ARID1B: variants seen among roughly 807,000 people sequenced by gnomAD.
ARID1B encodes the protein AT-rich interactive domain-containing protein 1B.
A neutral mutation model predicts 212.3 loss-of-function variants in ARID1B; 30 were observed. The observed-to-expected ratio is 0.14, with a 90% CI of 0.11 to 0.19. The LOEUF (loss-of-function observed/expected upper bound fraction) is 0.19, where lower values mean the gene tolerates loss of function less well. Among genes scored for constraint, ARID1B ranks in the 10% least tolerant of loss-of-function variants. The pLI, the probability that ARID1B is intolerant of heterozygous loss-of-function variation, is 1.00. For missense variants in ARID1B, 2,891 were observed against 3,204.0 expected (o/e 0.90, Z 2.36); for synonymous variants, 1,402 against 1,301.7 (o/e 1.08, Z -1.66).
chr6:156,855,027 G>C (rs1050498203), intron 2 of ARID1B, among the ~76,000 whole-genome samples: 1 of 152,114 alleles, frequency 6.6e-6, no homozygotes, highest in Admixed American at 6.5e-5. Flanking sequence ...GGGCAGTTGG[G>C]GTTGGGATGG....
At chr6:156,912,865 A>G (rs932647374) in intron 3 of ARID1B, among the ~76,000 whole-genome samples, 1 of 151,882 alleles carries the variant, frequency 6.6e-6, no homozygotes, top group African/African-American at 2.4e-5. Context: ...CATTTCTCCC[A>G]CCCCAAACAA....
chr6:157,157,061 C>G (rs941121992), intron 8 of ARID1B, among the ~76,000 whole-genome samples: 3 of 152,126 alleles, frequency 2.0e-5, no homozygotes, highest in Non-Finnish European at 4.4e-5. Context: ...CTCCTCATCC[C>G]CTGAAATACT....
intron 1 of ARID1B, among the ~76,000 whole-genome samples, chr6:156,801,400 C>A (rs1178702563): frequency 6.6e-6 from 1 of 151,836 alleles, no homozygotes; most frequent in African/African-American, 2.4e-5. Context: ...GGGGTTTCAT[C>A]ATCTTGGCTG....
At chr6:156,916,987 TCTG>T (rs1790410177) in intron 3 of ARID1B, among the ~76,000 whole-genome samples, 2 of 152,342 alleles carry the variant, frequency 1.3e-5, no homozygotes, top group South Asian at 4.1e-4. Context: ...ACCGAGGTCT[TCTG>T]CTGGTCTGGA....
chr6:157,131,289 T>C (rs78505992), intron 6 of ARID1B, among the ~76,000 whole-genome samples: 4,334 of 152,166 alleles, frequency 0.028, 206 homozygotes, highest in African/African-American at 0.097. Flanking sequence ...AGCTAATGTT[T>C]TAGTGGGGAA....
chr6:156,860,118 T>C (rs1785225649), intron 2 of ARID1B, among the ~76,000 whole-genome samples: 1 of 152,224 alleles, frequency 6.6e-6, no homozygotes, highest in Admixed American at 6.5e-5. Flanking sequence ...GCACCTATAC[T>C]TATGCATATA....
At chr6:157,062,186 T>G (rs1198354478) in intron 4 of ARID1B, among the ~76,000 whole-genome samples, 1 of 151,976 alleles carries the variant, frequency 6.6e-6, no homozygotes, top group East Asian at 1.9e-4. Context: ...CTGTTTCTGT[T>G]TCTCCTTTTG....
intron 4 of ARID1B, among the ~76,000 whole-genome samples, chr6:156,995,807 G>T (rs905181967): frequency 6.6e-6 from 1 of 152,148 alleles, no homozygotes; most frequent in African/African-American, 2.4e-5. Flanking sequence ...AATACAGGAC[G>T]CACGGTTAAA....
At chr6:157,130,657 G>C (rs1489052857) in intron 6 of ARID1B, among the ~76,000 whole-genome samples, 1 of 152,168 alleles carries the variant, frequency 6.6e-6, no homozygotes, top group Non-Finnish European at 1.5e-5. Flanking sequence ...AGCAATGTTA[G>C]ACTATATCTC....
chr6:156,885,592 T>C (rs1787438442), intron 2 of ARID1B, among the ~76,000 whole-genome samples: 1 of 152,250 alleles, frequency 6.6e-6, no homozygotes, highest in Non-Finnish European at 1.5e-5. Flanking sequence ...ACTTGGTACA[T>C]GTTCCACCTG....
chr6:156,900,288 C>T (rs1788811744), intron 2 of ARID1B, among the ~76,000 whole-genome samples: 1 of 152,088 alleles, frequency 6.6e-6, no homozygotes, highest in Admixed American at 6.5e-5. Flanking sequence ...TCATTTTTTC[C>T]CCTTTTACCC....
chr6:157,184,549 G>C, intron 13 of ARID1B, 114 bp downstream of exon 13: 1 of 1,214,362 alleles, frequency 8.2e-7, no homozygotes, highest in Non-Finnish European at 1.2e-6. Flanking sequence ...CTTTTGAGAG[G>C]TGGGGGGTTC....
intron 1 of ARID1B, among the ~76,000 whole-genome samples, chr6:156,795,691 C>T (rs557231546): frequency 6.6e-6 from 1 of 152,126 alleles, no homozygotes; most frequent in South Asian, 2.1e-4. Context: ...ACCTTCTTTC[C>T]CTCCCTCCCC....
intron 2 of ARID1B, among the ~76,000 whole-genome samples, chr6:156,892,328 T>C (rs1788009562): frequency 6.6e-6 from 1 of 152,220 alleles, no homozygotes; most frequent in South Asian, 2.1e-4. Flanking sequence ...TGTTGCTCTG[T>C]AATATTTTGG....
intron 4 of ARID1B, among the ~76,000 whole-genome samples, chr6:157,067,707 T>C (rs1181358460): frequency 6.6e-6 from 1 of 152,236 alleles, no homozygotes; most frequent in Non-Finnish European, 1.5e-5. Context: ...ATTTGTTTAT[T>C]CACACAGAAA....
At chr6:156,895,781 A>G (rs1272626561) in intron 2 of ARID1B, among the ~76,000 whole-genome samples, 1 of 152,218 alleles carries the variant, frequency 6.6e-6, no homozygotes, top group East Asian at 1.9e-4. Flanking sequence ...ATATATAGGT[A>G]TAAAAATAAC....
At chr6:156,914,516 C>T (rs1722914480) in intron 3 of ARID1B, among the ~76,000 whole-genome samples, 1 of 152,262 alleles carries the variant, frequency 6.6e-6, no homozygotes, top group African/African-American at 2.4e-5. Context: ...TCTTTCTGGC[C>T]TCCAAATACT....
intron 2 of ARID1B, among the ~76,000 whole-genome samples, chr6:156,890,383 A>G (rs1562462553): frequency 6.6e-6 from 1 of 152,218 alleles, no homozygotes; most frequent in Non-Finnish European, 1.5e-5. Flanking sequence ...TGTCACGAAA[A>G]AGACTTGTTA....
chr6:157,008,740 G>A (rs944881950), intron 4 of ARID1B, among the ~76,000 whole-genome samples: 3 of 152,090 alleles, frequency 2.0e-5, no homozygotes, highest in African/African-American at 7.2e-5. Flanking sequence ...AGACCTCTGG[G>A]TACGGGATCG....
Sources: allele counts gnomAD v4.1 joint callset (sites outside exome capture counted in the v4.1 genomes callset), GRCh38; gene constraint gnomAD v4.1.1; transcripts MANE v1.5; gene names NCBI Gene and HGNC (gene_info 2026-07-23, HGNC 2026-07-21).